ABCB4: variants seen among roughly 807,000 people sequenced by gnomAD.
ABCB4 encodes ATP binding cassette subfamily B member 4.
ABCB4 carries 76 observed loss-of-function variants against 145.7 expected under a neutral mutation model. The observed-to-expected ratio is 0.52, with a 90% CI of 0.43 to 0.63. The LOEUF (loss-of-function observed/expected upper bound fraction) is 0.63. ABCB4 is among the 30% of genes least tolerant of loss of function. ABCB4 has a pLI of 0.00. For missense variants in ABCB4, 1,234 were observed against 1,553.1 expected, an observed-to-expected ratio of 0.79 and a Z score of 3.45; for synonymous variants, 517 against 566.8, an observed-to-expected ratio of 0.91 and a Z score of 1.25.
chr7:87,462,362 T>C (rs181811853), intron 4 of ABCB4, among the ~76,000 whole-genome samples: 6 of 152,080 alleles, frequency 3.9e-5, no homozygotes, highest in Non-Finnish European at 5.9e-5. Flanking sequence ...CAGAAACAGA[T>C]CTACAAGCTA....
chr7:87,409,079 C>A (rs760562084), intron 24 of ABCB4, among the ~76,000 whole-genome samples, 157 bp downstream of exon 24: 38 of 151,826 alleles, frequency 2.5e-4, no homozygotes, highest in Admixed American at 7.9e-4. Context: ...TTTTAAATGT[C>A]AGTCAAGTTG....
chr7:87,408,342 AT>A, intron 24 of ABCB4, 108 bp from the exon 25 acceptor site: 1 of 1,160,228 alleles, frequency 8.6e-7, no homozygotes, highest in Non-Finnish European at 1.2e-6. Context: ...GAAACATAAA[AT>A]TCATATTTGG....
intron 3 of ABCB4, among the ~76,000 whole-genome samples, chr7:87,470,939 T>C (rs1304831493): frequency 6.6e-6 from 1 of 152,156 alleles, no homozygotes; most frequent in African/African-American, 2.4e-5. Flanking sequence ...TGCAGCACTA[T>C]TCACAATAGC....
intron 18 of ABCB4, 110 bp downstream of exon 18, chr7:87,422,011 C>G: frequency 1.2e-6 from 1 of 817,852 alleles, no homozygotes; most frequent in Non-Finnish European, 2.0e-6. Context: ...TTATGCCAAT[C>G]ATGTTTGCAA....
At chr7:87,430,789 A>T (rs1810165996) in intron 15 of ABCB4, among the ~76,000 whole-genome samples, 1 of 152,100 alleles carries the variant, frequency 6.6e-6, no homozygotes, top group Non-Finnish European at 1.5e-5. Context: ...AGCCTCCCAA[A>T]GTGCTGGGAT....
At chr7:87,384,416 T>C in the ABCB4 span, among the ~76,000 whole-genome samples, 3 of 152,088 alleles carry the variant, frequency 2.0e-5, no homozygotes, top group Non-Finnish European at 4.4e-5. Context: ...TCTGTACCTC[T>C]ACCTACTCAG....
At position 87,402,197 on chromosome 7, in the gene ABCB4, T is replaced by G. The variant is rs1467718709; in HGVS notation, c.3739A>C (p.Asn1247His). ...QNADLIVVFQ[N>H]GRVKEHGTHQ... The stretch of plus-strand genomic sequence containing the variant: ...GTGCCATGCTCCTTGACTCTCCCAT[T>G]CTGAAACACCACTATTAAGTCTGCA... Residue 1247 changes from asparagine to histidine, a missense_variant, in exon 28 of 28, where the codon AAT (asparagine) becomes CAT (histidine). By Grantham distance (68) the Asn-to-His change is moderately conservative (BLOSUM62 1). Around this residue, in one of 7 missense-constraint regions of ABCB4, gnomAD observed 58 missense variants for 75.9 expected, o/e 0.76. Coordinates refer to ENST00000649586, the MANE Select transcript of ABCB4 (RefSeq NM_000443.4). 18 of 1,613,954 alleles carry G rather than the reference T, an allele frequency of 1.1e-5. No individual in the cohort carries two copies. Among genetic ancestry groups the G allele is most frequent in the Non-Finnish European group, 1.4e-5 (17 of 1,179,990 alleles).
intron 16 of ABCB4, 123 bp from the exon 17 acceptor site, chr7:87,424,175 G>T: frequency 1.8e-6 from 2 of 1,113,016 alleles, no homozygotes; most frequent in East Asian, 2.4e-5. Flanking sequence ...AGAATGACAA[G>T]CAAACTACTA....
intron 4 of ABCB4, among the ~76,000 whole-genome samples, chr7:87,462,223 C>T (rs538759658): frequency 8.5e-5 from 13 of 152,194 alleles, no homozygotes; most frequent in East Asian, 5.8e-4. Context: ...TTCCAAGGGA[C>T]GTATTGAATC....
At chr7:87,377,336 A>G in the ABCB4 span, 1 of 1,540,668 alleles carries the variant, frequency 6.5e-7, no homozygotes, top group Non-Finnish European at 8.9e-7. Flanking sequence ...TGGAAAAATT[A>G]AATTTATTTT....
the ABCB4 span, among the ~76,000 whole-genome samples, chr7:87,386,939 C>G: frequency 6.6e-6 from 1 of 152,060 alleles, no homozygotes; most frequent in Non-Finnish European, 1.5e-5. Context: ...GTGAAGGAAC[C>G]CAGCATGGAG....
At chr7:87,369,965 C>T in the ABCB4 span, among the ~76,000 whole-genome samples, 1 of 144,216 alleles carries the variant, frequency 6.9e-6, no homozygotes, top group Admixed American at 6.8e-5. Context: ...CATCTCCTAA[C>T]TTCAACAGTT....
chr7:87,377,415 T>A, the ABCB4 span: 4 of 1,611,168 alleles, frequency 2.5e-6, no homozygotes, highest in Non-Finnish European at 3.4e-6. Context: ...TAACTTGATT[T>A]CCTTTTCTAA....
chr7:87,468,673 C>T (rs1011418281), intron 3 of ABCB4, among the ~76,000 whole-genome samples: 1 of 152,080 alleles, frequency 6.6e-6, no homozygotes. Context: ...TGGCTCACGC[C>T]TATAATCGCA....
intron 27 of ABCB4, 134 bp downstream of exon 27, chr7:87,403,001 A>C: frequency 1.9e-6 from 2 of 1,046,528 alleles, no homozygotes; most frequent in Admixed American, 3.6e-5. Context: ...GTCTCAAAAA[A>C]ATAAAAATAA....
chr7:87,454,801 C>A (rs993797743), intron 4 of ABCB4, among the ~76,000 whole-genome samples: 1 of 152,180 alleles, frequency 6.6e-6, no homozygotes, highest in East Asian at 1.9e-4. Context: ...AGGTACTGGA[C>A]ATTAAGGGCC....
the ABCB4 span, chr7:87,375,764 A>G: frequency 2.5e-6 from 4 of 1,612,442 alleles, no homozygotes; most frequent in Non-Finnish European, 3.4e-6. Context: ...CTTTTCTCTA[A>G]CAAACTCTTT....
chr7:87,411,810 C>T, intron 23 of ABCB4, 83 bp downstream of exon 23: 1 of 1,353,100 alleles, frequency 7.4e-7, no homozygotes, highest in Non-Finnish European at 1.0e-6. Flanking sequence ...ACACAGGAGT[C>T]ATTTTTTTCC....
At chr7:87,463,028 T>C (rs373021549) in intron 3 of ABCB4, 120 bp from the exon 4 acceptor site, 9 of 888,324 alleles carry the variant, frequency 1.0e-5, no homozygotes, top group East Asian at 2.7e-5. Context: ...TAAATGAATG[T>C]CTTAGAAAAG....
Sources: allele counts gnomAD v4.1 joint callset (sites outside exome capture counted in the v4.1 genomes callset), GRCh38; gene constraint gnomAD v4.1.1; regional missense constraint gnomAD v4.1.1; transcripts MANE v1.5; gene names NCBI Gene and HGNC (gene_info 2026-07-23, HGNC 2026-07-21).